PTPRJ: variants seen among roughly 807,000 people sequenced by gnomAD.
PTPRJ encodes the protein protein tyrosine phosphatase receptor type J.
In PTPRJ, 129 loss-of-function variants were observed where a neutral mutation model predicts 141.3. That is an observed-to-expected ratio of 0.91 (90% CI 0.79 to 1.06). PTPRJ has a LOEUF of 1.06. PTPRJ is among the 50% of genes least tolerant of loss of function. The probability of loss-of-function intolerance (pLI) is 0.00; values close to 1 mark genes in which losing one functional copy is unlikely to be tolerated. For missense variants in PTPRJ, 1,601 were observed against 1,679.7 expected (o/e 0.95, Z 0.82); for synonymous variants, 610 against 640.5 (o/e 0.95, Z 0.72).
chr11:48,121,063 C>T lies in PTPRJ; in HGVS notation c.413C>T (p.Thr138Ile). ...VSISPTNVIL[T>I]WKSNDTAASE... Reference sequence around the variant, plus strand: ...ATCAGTCCAACCAATGTGATCTTAACTTGGAAAAGTAATGACACAGCTGCT... The same window carrying T: ...ATCAGTCCAACCAATGTGATCTTAATTTGGAAAAGTAATGACACAGCTGCT... Residue 138 changes from threonine (T) to isoleucine (I), a missense_variant, in exon 4 of 25, where the codon ACT becomes ATT. Physicochemically the swap from Thr to Ile is moderately conservative, Grantham distance 89 (BLOSUM62 -1). Coordinates refer to ENST00000418331, the MANE Select transcript of PTPRJ (RefSeq NM_002843.4). The T allele has an allele frequency of 3.1e-6, 5 of 1,613,214 alleles. No individual in the cohort carries two copies. Among genetic ancestry groups the T allele is most frequent in the South Asian group, 2.2e-5 (2 of 91,028 alleles).
At chr11:48,093,509 A>G (rs541465620) in intron 1 of PTPRJ, among the ~76,000 whole-genome samples, 3 of 152,320 alleles carry the variant, frequency 2.0e-5, no homozygotes, top group Non-Finnish European at 4.4e-5. Context: ...ATGGAGATGA[A>G]TTGTTAAACT....
At chr11:48,021,561 T>C (rs1298924970) in intron 1 of PTPRJ, among the ~76,000 whole-genome samples, 2 of 151,964 alleles carry the variant, frequency 1.3e-5, no homozygotes, top group African/African-American at 4.8e-5. Flanking sequence ...GACAGATGCA[T>C]TGAGAATGGG....
intron 1 of PTPRJ, among the ~76,000 whole-genome samples, chr11:48,073,268 G>A (rs549256472): frequency 6.6e-6 from 1 of 152,186 alleles, no homozygotes; most frequent in Admixed American, 6.5e-5. Flanking sequence ...GCCTTTACTG[G>A]CAGTCTCTAT....
intron 1 of PTPRJ, among the ~76,000 whole-genome samples, chr11:48,081,565 T>G (rs935104967): frequency 3.9e-5 from 6 of 151,948 alleles, no homozygotes; most frequent in Non-Finnish European, 8.8e-5. Context: ...GCTTTTGTGT[T>G]GGTCGGTCGC....
chr11:48,159,161 G>GTGTGT (rs60389100), intron 21 of PTPRJ, among the ~76,000 whole-genome samples: 4 of 130,612 alleles, frequency 3.1e-5, no homozygotes, highest in Admixed American at 7.9e-5. Context: ...GTGTGTGTGT[G>GTGTGT]GTCATTTGCC....
rs755346829 is a variant in PTPRJ, at chr11:48,112,843, A to G, written c.212A>G (p.Gln71Arg). ...AGTACAGCAGAATCCTTTCATAAACAGAATGGAACTGGAACACCTCAGGTG... is the reference window on the plus strand; with the variant it reads ...AGTACAGCAGAATCCTTTCATAAACGGAATGGAACTGGAACACCTCAGGTG... ...ISSTAESFHKQNGTGTPQVET... is the reference protein window; with the variant it reads ...ISSTAESFHKRNGTGTPQVET... The change falls in exon 3 of 25, where the codon CAG becomes CGG. Residue 71 changes from glutamine (Q) to arginine (R), a missense_variant. Coordinates refer to ENST00000418331, the MANE Select transcript of PTPRJ (RefSeq NM_002843.4). The G allele has an allele frequency of 8.7e-6, 14 of 1,614,218 alleles. No homozygotes were observed. The South Asian group carries it at 1.4e-4, about 16-fold the overall frequency.
chr11:48,151,307 G>A (rs898071742), intron 18 of PTPRJ, among the ~76,000 whole-genome samples: 1 of 151,726 alleles, frequency 6.6e-6, no homozygotes, highest in East Asian at 1.9e-4. Flanking sequence ...GCAACACTCT[G>A]ATGTCTGCCT....
At chr11:48,043,164 C>T (rs1854310645) in intron 1 of PTPRJ, among the ~76,000 whole-genome samples, 1 of 152,116 alleles carries the variant, frequency 6.6e-6, no homozygotes, top group Non-Finnish European at 1.5e-5. Flanking sequence ...TGAACTTTCT[C>T]TTTTAGCTCC....
chr11:48,072,250 C>T (rs996762538), intron 1 of PTPRJ, among the ~76,000 whole-genome samples: 1 of 152,188 alleles, frequency 6.6e-6, no homozygotes, highest in Non-Finnish European at 1.5e-5. Flanking sequence ...GTTCACAGTT[C>T]TGGAGGCTGG....
At chr11:48,150,626 G>T (rs1345727465) in intron 18 of PTPRJ, among the ~76,000 whole-genome samples, 2 of 152,212 alleles carry the variant, frequency 1.3e-5, no homozygotes, top group Admixed American at 6.5e-5. Flanking sequence ...GAGCTGGAAA[G>T]AAACCAAATG....
At position 48,047,209 on chromosome 11, in the gene PTPRJ, C is replaced by A. The variant is rs573235297; in HGVS notation, c.97-62849C>A. On this transcript the variant is annotated intron_variant, in intron 1 of 24. Coordinates refer to ENST00000418331, the MANE Select transcript of PTPRJ (RefSeq NM_002843.4). ...GGGATTACAGGCATGAGCCACAGTG[C>A]CAGGCCTTACATAAAAATTGTTTAA... Among the ~76,000 whole-genome samples, 37 of 152,214 alleles carry A rather than the reference C, an allele frequency of 2.4e-4. No homozygotes were observed. In the South Asian group the frequency reaches 7.5e-3, roughly 31 times the overall value.
chr11:47,997,700 G>T (rs1395354537), intron 1 of PTPRJ, among the ~76,000 whole-genome samples: 7 of 152,126 alleles, frequency 4.6e-5, no homozygotes, highest in Admixed American at 2.6e-4. Context: ...TGAGGGAAAG[G>T]TTTACCATTT....
chr11:47,992,997 T>C (rs540312920), intron 1 of PTPRJ, among the ~76,000 whole-genome samples: 1 of 152,220 alleles, frequency 6.6e-6, no homozygotes, highest in African/African-American at 2.4e-5. Context: ...TGGATTCTGT[T>C]TCCAGACACA....
intron 21 of PTPRJ, among the ~76,000 whole-genome samples, chr11:48,156,422 G>C (rs995641076): frequency 2.0e-5 from 3 of 152,048 alleles, no homozygotes; most frequent in African/African-American, 7.2e-5. Context: ...GCTGTTCACG[G>C]TGTGGCTCTG....
At chr11:48,024,236 C>T (rs372761251) in intron 1 of PTPRJ, among the ~76,000 whole-genome samples, 43 of 152,216 alleles carry the variant, frequency 2.8e-4, no homozygotes, top group African/African-American at 8.7e-4. Flanking sequence ...CTCACTCTGA[C>T]GACCAGGCTG....
At chr11:48,007,326 G>C (rs1854650169) in intron 1 of PTPRJ, among the ~76,000 whole-genome samples, 1 of 151,066 alleles carries the variant, frequency 6.6e-6, no homozygotes, top group African/African-American at 2.4e-5. Flanking sequence ...AGCCAGGTTG[G>C]TCTCGATCTC....
intron 1 of PTPRJ, among the ~76,000 whole-genome samples, chr11:48,035,538 C>CTTTTT (rs66504227): frequency 3.0e-3 from 183 of 61,740 alleles, no homozygotes; most frequent in East Asian, 5.4e-3. Flanking sequence ...CTTTCTTCTT[C>CTTTTT]TTTTTTTTTT....
rs1857951582 is a variant in PTPRJ, at chr11:48,167,695, A to G, written c.*333A>G. On this transcript the variant is annotated 3_prime_UTR_variant, in exon 25 of 25. Transcript: ENST00000418331. ...AACAATTTCTTTTTTAAAAAAGACT[A>G]TTTTATATGATTCACATGCTAAAGC... The G allele has an allele frequency of 1.1e-5, 2 of 189,978 alleles. No homozygotes were observed. Among genetic ancestry groups the G allele is most frequent in the Non-Finnish European group, 2.1e-5 (2 of 93,756 alleles). The allele number at this position is 189,978 out of a possible 1,614,324, so 11.8% of individuals were successfully genotyped here. A position where few individuals can be genotyped will look rare whatever the true frequency, so the allele number is the denominator to read the frequency against.
chr11:47,981,345 A>G (rs1463774706), intron 1 of PTPRJ, among the ~76,000 whole-genome samples: 3 of 151,824 alleles, frequency 2.0e-5, no homozygotes, highest in Non-Finnish European at 2.9e-5. Flanking sequence ...CCGGCTTCCT[A>G]GCCGGAGGCG....
Sources: allele counts gnomAD v4.1 joint callset (sites outside exome capture counted in the v4.1 genomes callset), GRCh38; gene constraint gnomAD v4.1.1; transcripts MANE v1.5; gene names NCBI Gene and HGNC (gene_info 2026-07-23, HGNC 2026-07-21).